Variants in ADCY9 observed in about 807,000 individuals in gnomAD.
ADCY9 encodes adenylate cyclase 9, also known as adenylate cyclase type 9.
A neutral mutation model predicts 101.5 loss-of-function variants in ADCY9; 50 were observed. The observed-to-expected ratio is 0.49, with a 90% CI of 0.39 to 0.62. ADCY9 has a LOEUF of 0.62. Ranked by LOEUF, ADCY9 falls within the 20% of genes least tolerant of loss-of-function variation. The pLI, the probability that ADCY9 is intolerant of heterozygous loss-of-function variation, is 0.00. For missense variants in ADCY9, 1,662 were observed against 1,800.4 expected (o/e 0.92, Z 1.39); for synonymous variants, 905 against 769.3 (o/e 1.18, Z -2.92).
intron 3 of ADCY9, among the ~76,000 whole-genome samples, chr16:4,004,366 G>C (rs1168543657): frequency 6.6e-6 from 1 of 152,026 alleles, no homozygotes; most frequent in East Asian, 1.9e-4. Flanking sequence ...TTTCCTGGTA[G>C]GTCGTTACAG....
intron 10 of ADCY9, among the ~76,000 whole-genome samples, chr16:3,971,680 G>A (rs959652783): frequency 2.6e-5 from 4 of 152,248 alleles, no homozygotes; most frequent in East Asian, 3.9e-4. Context: ...TGTGAGCCCC[G>A]CTCGTTGGGT....
chr16:4,065,336 G>A (rs1282313503), intron 2 of ADCY9, among the ~76,000 whole-genome samples: 3 of 152,154 alleles, frequency 2.0e-5, no homozygotes. Flanking sequence ...TGGCCGAAAG[G>A]GAAAGTAAGC....
intron 2 of ADCY9, among the ~76,000 whole-genome samples, chr16:4,102,456 G>A (rs1402537507): frequency 3.3e-5 from 5 of 152,266 alleles, no homozygotes; most frequent in Non-Finnish European, 5.9e-5. Flanking sequence ...ATGGAGTTTC[G>A]CTCTTGTTGC....
At chr16:4,052,128 G>A (rs2056705654) in intron 2 of ADCY9, among the ~76,000 whole-genome samples, 1 of 152,120 alleles carries the variant, frequency 6.6e-6, no homozygotes, top group Admixed American at 6.6e-5. Flanking sequence ...CATCATGAAG[G>A]AATATGAGAC....
chr16:3,973,509 T>A (rs938865511), intron 10 of ADCY9, among the ~76,000 whole-genome samples: 1 of 151,918 alleles, frequency 6.6e-6, no homozygotes, highest in South Asian at 2.1e-4. Context: ...GCCTGGCCTT[T>A]TTTTTCTGAG....
chr16:4,111,136 C>G (rs1018022256), intron 2 of ADCY9, among the ~76,000 whole-genome samples: 3 of 152,224 alleles, frequency 2.0e-5, no homozygotes, highest in Admixed American at 6.5e-5. Flanking sequence ...GAGCTTCCTT[C>G]TGTGCTCCCA....
In ADCY9 at chr16:3,992,320, C is replaced by T. The variant is rs1253174135; in HGVS notation, c.2033G>A (p.Ser678Asn). 1 of 1,614,162 alleles carries T rather than the reference C, an allele frequency of 6.2e-7. No individual in the cohort carries two copies. The highest frequency in any genetic ancestry group is 8.5e-7 in the Non-Finnish European group (1 of 1,180,020). ...GGTGAGCTTCTCCTCTTGGGGAGGG[C>T]TGAGGAGCCCGTTCTGAGTTTTGGG... ...PNPKTQNGLL[S>N]PPQEEKLTNS... The change falls in exon 5 of 11, where the codon AGC (serine) becomes AAC (asparagine). Residue 678 changes from serine (S) to asparagine (N), a missense_variant. Physicochemically the swap from Ser to Asn is conservative, Grantham distance 46 (BLOSUM62 1). Transcript: ENST00000294016. This position sits in a 1 kb window ranked among gnomAD's most constrained non-coding sequence, Gnocchi z 4.2.
At chr16:3,983,920 G>C (rs865945874) in intron 6 of ADCY9, 1 of 155,784 alleles carries the variant, frequency 6.4e-6, no homozygotes, top group Admixed American at 6.3e-5. Flanking sequence ...GCGAGACCCC[G>C]TCTACCAAAA....
intron 2 of ADCY9, among the ~76,000 whole-genome samples, chr16:4,014,259 C>T (rs1342153433): frequency 6.8e-6 from 1 of 147,942 alleles, no homozygotes; most frequent in Non-Finnish European, 1.5e-5. Context: ...GCGGAGGTTG[C>T]AGTCAGCCGA....
chr16:4,000,964 T>TACACACACACACACACA (rs1284156698), intron 3 of ADCY9, among the ~76,000 whole-genome samples: 8 of 44,998 alleles, frequency 1.8e-4, no homozygotes, highest in Admixed American at 1.3e-3. Flanking sequence ...TCCATCCCTC[T>TACACACACACACACACA]CTCTACACAC....
downstream of ADCY9, among the ~76,000 whole-genome samples, chr16:3,960,454 G>A (rs2055931272): frequency 1.3e-5 from 2 of 152,078 alleles, no homozygotes; most frequent in African/African-American, 4.8e-5. Context: ...CCTGGGAGGC[G>A]GAGGTTGCAG....
chr16:4,105,980 T>A (rs1301680478), intron 2 of ADCY9, among the ~76,000 whole-genome samples: 1 of 152,140 alleles, frequency 6.6e-6, no homozygotes, highest in Non-Finnish European at 1.5e-5. Context: ...GCCCTCTAGG[T>A]CACACTACTG....
At chr16:4,021,586 C>G (rs762234151) in intron 2 of ADCY9, among the ~76,000 whole-genome samples, 1 of 152,206 alleles carries the variant, frequency 6.6e-6, no homozygotes, top group South Asian at 2.1e-4. Flanking sequence ...AGAGGCCAAA[C>G]GCCTGCCCCC....
chr16:4,001,107 A>C (rs1334792061), intron 3 of ADCY9, among the ~76,000 whole-genome samples: 1 of 152,130 alleles, frequency 6.6e-6, no homozygotes, highest in Non-Finnish European at 1.5e-5. Context: ...CTCACCGTAC[A>C]GTTATCAAAA....
rs2056373460 is a variant in ADCY9 at position 4,007,389 on chromosome 16, G to C, written c.1863C>G (p.Val621=). 6.3e-7 allele frequency: 1 copy of C among 1,580,020 alleles called. No individual in the cohort carries two copies. The highest frequency in any genetic ancestry group is 1.2e-5 in the South Asian group (1 of 85,582). Residue 621 remains valine (V), a synonymous_variant, in exon 3 of 11, where the codon GTC becomes GTG. Coordinates refer to ENST00000294016, the MANE Select transcript of ADCY9 (RefSeq NM_001116.4). Reference sequence around the variant, plus strand: ...TAACCTTAAGGTTATCAAAGGTTTTGACAGTCTGCGCCAAGTCACTGACAT... The same window carrying C: ...TAACCTTAAGGTTATCAAAGGTTTTCACAGTCTGCGCCAAGTCACTGACAT... ...SGNVSDLAQT[V]KTFDNLKTCP... is the part of the protein sequence containing the mutation.
intron 5 of ADCY9, among the ~76,000 whole-genome samples, chr16:3,989,600 G>C (rs776747144): frequency 1.5e-4 from 23 of 152,266 alleles, no homozygotes; most frequent in Middle Eastern, 6.8e-3. Context: ...GGCTGGTCTC[G>C]AACTCCTGGG....
At chr16:4,008,613 C>G (rs1016665243) in intron 2 of ADCY9, among the ~76,000 whole-genome samples, 2 of 151,608 alleles carry the variant, frequency 1.3e-5, no homozygotes, top group Admixed American at 6.6e-5. Context: ...ACTCTCTCAC[C>G]CAGGATGGAG....
At chr16:4,000,682 C>T (rs534620214) in intron 3 of ADCY9, among the ~76,000 whole-genome samples, 126 of 152,126 alleles carry the variant, frequency 8.3e-4, no homozygotes, top group Non-Finnish European at 1.3e-3. Context: ...CAGAGCCACA[C>T]GGGGCGGAGT....
Position 3,992,682 on chromosome 16 carries a change from C to G in ADCY9, c.1990-319G>C, listed in dbSNP as rs1309450130. ...GAGGAAAGTGAGGAGCCGAGGCCCC[C>G]AGAGTCTGCTTAGGCCAGAACCACG... On this transcript the variant is annotated intron_variant, in intron 4 of 10. Coordinates refer to ENST00000294016, the MANE Select transcript of ADCY9 (RefSeq NM_001116.4). This position sits in a 1 kb window ranked among gnomAD's most constrained non-coding sequence, Gnocchi z 4.2. 6.6e-6 allele frequency among the ~76,000 whole-genome samples: 1 copy of G among 152,056 alleles called. No individual in the cohort carries two copies. The highest frequency in any genetic ancestry group is 1.5e-5 in the Non-Finnish European group (1 of 68,002).
Sources: allele counts gnomAD v4.1 joint callset (sites outside exome capture counted in the v4.1 genomes callset), GRCh38; gene constraint gnomAD v4.1.1; non-coding constraint Gnocchi (gnomAD v3.1); transcripts MANE v1.5; gene names NCBI Gene and HGNC (gene_info 2026-07-23, HGNC 2026-07-21).